The following CAST variants were observed in gnomAD, a reference collection of about 807,000 sequenced individuals.
CAST encodes the protein calpastatin, also known as MIR583 host.
CAST carries 76 observed loss-of-function variants against 119.6 expected under a neutral mutation model. The ratio of observed to expected loss-of-function variants is 0.64; its 90% CI spans 0.53 to 0.77. The LOEUF is 0.77. CAST is among the 30% of genes least tolerant of loss of function. The pLI is 0.00. For missense variants in CAST, 953 were observed against 946.5 expected (o/e 1.01, Z -0.09); for synonymous variants, 319 against 331.6 (o/e 0.96, Z 0.41).
the CAST span, among the ~76,000 whole-genome samples, chr5:95,983,193 T>C: frequency 6.6e-6 from 1 of 152,224 alleles, no homozygotes; most frequent in African/African-American, 2.4e-5. Context: ...TTGATGACTC[T>C]AAAAGTCAGG....
At chr5:96,153,042 G>T in the CAST span, among the ~76,000 whole-genome samples, 1 of 152,208 alleles carries the variant, frequency 6.6e-6, no homozygotes, top group East Asian at 1.9e-4. Context: ...CTGAATATCA[G>T]ACCTTAAGAT....
the CAST span, among the ~76,000 whole-genome samples, chr5:96,502,357 G>A: frequency 6.6e-6 from 1 of 152,116 alleles, no homozygotes; most frequent in Non-Finnish European, 1.5e-5. Flanking sequence ...TAAGCTGTTT[G>A]ATAGCAGAAA....
chr5:96,222,480 C>A, the CAST span, among the ~76,000 whole-genome samples: 1 of 152,060 alleles, frequency 6.6e-6, no homozygotes. Flanking sequence ...CAAAAGAAGA[C>A]ATACAAATGG....
the CAST span, among the ~76,000 whole-genome samples, chr5:96,137,595 AG>A: frequency 1.3e-5 from 2 of 152,126 alleles, no homozygotes; most frequent in Non-Finnish European, 2.9e-5. Flanking sequence ...TGTCTTCCAA[AG>A]TGGTTGTACC....
the CAST span, among the ~76,000 whole-genome samples, chr5:96,401,048 C>T: frequency 5.8e-5 from 7 of 121,354 alleles, no homozygotes; most frequent in Middle Eastern, 8.1e-3. Context: ...GATTGTGCCA[C>T]TGCAATCCGG....
chr5:96,644,448 A>G (rs1454382241), intron 1 of CAST, among the ~76,000 whole-genome samples: 1 of 152,246 alleles, frequency 6.6e-6, no homozygotes, highest in Non-Finnish European at 1.5e-5. Flanking sequence ...ATAAAAATTT[A>G]CTACAAATAT....
upstream of CAST, among the ~76,000 whole-genome samples, chr5:96,523,183 A>C (rs1182642424): frequency 1.3e-5 from 2 of 152,142 alleles, no homozygotes; most frequent in African/African-American, 2.4e-5. Flanking sequence ...TGTGAGAGTT[A>C]CTGGTGCCAG....
At chr5:96,447,184 G>A in the CAST span, among the ~76,000 whole-genome samples, 1 of 152,206 alleles carries the variant, frequency 6.6e-6, no homozygotes, top group African/African-American at 2.4e-5. Flanking sequence ...CCAGGCGTAA[G>A]AAGCCATGAG....
chr5:95,968,731 A>T, the CAST span, among the ~76,000 whole-genome samples: 3 of 152,168 alleles, frequency 2.0e-5, no homozygotes, highest in African/African-American at 4.8e-5. Context: ...TTCAAGTATC[A>T]TATTTATCAT....
At chr5:96,649,602 C>A (rs1477962379) in intron 1 of CAST, among the ~76,000 whole-genome samples, 1 of 152,182 alleles carries the variant, frequency 6.6e-6, no homozygotes, top group East Asian at 1.9e-4. Flanking sequence ...CATTCTGGGG[C>A]TAGTGGATAA....
chr5:96,656,110 C>G (rs2150205780), intron 1 of CAST, among the ~76,000 whole-genome samples: 1 of 152,242 alleles, frequency 6.6e-6, no homozygotes, highest in Non-Finnish European at 1.5e-5. Context: ...AGAATTGTTC[C>G]ATGAAACTTC....
the CAST span, among the ~76,000 whole-genome samples, chr5:96,368,356 C>T: frequency 4.6e-5 from 7 of 151,760 alleles, no homozygotes; most frequent in Non-Finnish European, 7.4e-5. Context: ...AAAAATTAGC[C>T]GGGCATGGTG....
chr5:96,347,016 C>A, the CAST span, among the ~76,000 whole-genome samples: 1 of 152,084 alleles, frequency 6.6e-6, no homozygotes, highest in Non-Finnish European at 1.5e-5. Context: ...AGATAGCATA[C>A]TGGGCATCTT....
At chr5:96,334,415 A>G in the CAST span, among the ~76,000 whole-genome samples, 460 of 152,236 alleles carry the variant, frequency 3.0e-3, 3 homozygotes, top group African/African-American at 0.011. Context: ...AACTTGGGTG[A>G]GGTGGCCTGG....
At chr5:96,377,064 TA>T in the CAST span, among the ~76,000 whole-genome samples, 1 of 151,940 alleles carries the variant, frequency 6.6e-6, no homozygotes, top group Non-Finnish European at 1.5e-5. Context: ...AATAAGGACA[TA>T]AAGGAAGAAT....
chr5:96,758,890 CAT>C (rs1315328907), intron 24 of CAST, among the ~76,000 whole-genome samples: 5 of 152,142 alleles, frequency 3.3e-5, no homozygotes, highest in African/African-American at 7.2e-5. Flanking sequence ...AATGTGGAGT[CAT>C]AGCATTACAC....
At chr5:96,557,916 CA>C (rs1310991295) in intron 1 of CAST, among the ~76,000 whole-genome samples, 1 of 152,170 alleles carries the variant, frequency 6.6e-6, no homozygotes, top group Non-Finnish European at 1.5e-5. Context: ...TTTTCAGCAC[CA>C]CACCACACCT....
At chr5:95,996,198 A>G in the CAST span, among the ~76,000 whole-genome samples, 5 of 152,170 alleles carry the variant, frequency 3.3e-5, no homozygotes, top group Non-Finnish European at 7.4e-5. Context: ...GGCTGGTCAC[A>G]AGGCATCATT....
the CAST span, among the ~76,000 whole-genome samples, chr5:96,260,882 A>G: frequency 6.6e-6 from 1 of 152,184 alleles, no homozygotes; most frequent in South Asian, 2.1e-4. Context: ...CAGTGTCTAA[A>G]AGCTGTGAGT....
Sources: gnomAD v4.1 joint callset for allele counts (sites outside exome capture counted in the v4.1 genomes callset) on GRCh38, gnomAD v4.1.1 for gene constraint, MANE v1.5 for transcripts, NCBI Gene and HGNC (gene_info 2026-07-23, HGNC 2026-07-21) for gene names.